Variants in DMXL1 observed in about 807,000 individuals in gnomAD.
DMXL1 encodes the protein dmX-like protein 1.
A neutral mutation model predicts 319.2 loss-of-function variants in DMXL1; 99 were observed. The observed-to-expected ratio is 0.31, with a 90% CI of 0.26 to 0.37. DMXL1 has a LOEUF of 0.37. Ranked by LOEUF, DMXL1 falls within the 10% of genes least tolerant of loss-of-function variation. The probability of loss-of-function intolerance (pLI) is 1.00; values close to 1 mark genes in which losing one functional copy is unlikely to be tolerated. For missense variants in DMXL1, 3,745 were observed against 3,595.6 expected (o/e 1.04, Z -1.06); for synonymous variants, 1,385 against 1,235.2 (o/e 1.12, Z -2.54).
chr5:119,174,249 A>G (rs1483647689), intron 25 of DMXL1, among the ~76,000 whole-genome samples: 9 of 152,102 alleles, frequency 5.9e-5, no homozygotes, highest in Admixed American at 5.9e-4. Context: ...ATTTTTTTCA[A>G]ATGGTAGTTT....
intron 19 of DMXL1, among the ~76,000 whole-genome samples, chr5:119,160,294 T>C (rs1379850845): frequency 6.6e-6 from 1 of 152,210 alleles, no homozygotes; most frequent in East Asian, 1.9e-4. Flanking sequence ...CTTTGACTCA[T>C]TGTTTTTTCA....
At chr5:119,246,790 C>T (rs1411010206) in intron 43 of DMXL1, among the ~76,000 whole-genome samples, 2 of 151,830 alleles carry the variant, frequency 1.3e-5, no homozygotes, top group Non-Finnish European at 2.9e-5. Flanking sequence ...TGTGCCACCT[C>T]GCCGGGCTAG....
intron 25 of DMXL1, among the ~76,000 whole-genome samples, chr5:119,174,395 C>T (rs573208762): frequency 4.8e-4 from 73 of 152,266 alleles, no homozygotes; most frequent in African/African-American, 1.1e-3. Context: ...TGGAGAAGTA[C>T]GTCCAACTCT....
rs768908011 is a variant in DMXL1, at chr5:119,244,540, G to C, written c.8886G>C (p.Glu2962Asp). ...VKAVAVDPTE[E>D]YFVTGSAEGN... Reference sequence around the variant, plus strand: ...CCGTTGCTGTTGATCCAACTGAAGAGTACTTTGTTACAGGATCTGCCGAAG... The same window carrying C: ...CCGTTGCTGTTGATCCAACTGAAGACTACTTTGTTACAGGATCTGCCGAAG... Residue 2962 changes from glutamate (E) to aspartate (D), a missense_variant, in exon 43 of 44, where the codon GAG becomes GAC. Physicochemically the swap from Glu to Asp is conservative, Grantham distance 45. Coordinates refer to ENST00000539542, the MANE Select transcript of DMXL1 (RefSeq NM_001290321.3). The C allele has an allele frequency of 1.9e-6, 3 of 1,614,124 alleles. No homozygotes were observed. In the East Asian group the frequency reaches 6.7e-5, roughly 36 times the overall value.
intron 28 of DMXL1, among the ~76,000 whole-genome samples, chr5:119,186,014 A>G (rs757552646): frequency 6.6e-6 from 1 of 152,206 alleles, no homozygotes; most frequent in Non-Finnish European, 1.5e-5. Flanking sequence ...GTTAACATAT[A>G]CCTCTTAGGA....
intron 30 of DMXL1, 57 bp from the exon 31 acceptor site, chr5:119,196,314 T>C (rs1779613501): frequency 6.0e-6 from 8 of 1,337,514 alleles, no homozygotes. Context: ...AAGGGTAGTA[T>C]ACTCTTCTAA....
intron 28 of DMXL1, among the ~76,000 whole-genome samples, chr5:119,187,869 G>A (rs1778019891): frequency 6.6e-6 from 1 of 152,104 alleles, no homozygotes; most frequent in African/African-American, 2.4e-5. Context: ...CACCATGTTG[G>A]CCAGGCTGGA....
intron 9 of DMXL1, among the ~76,000 whole-genome samples, chr5:119,123,090 T>C (rs1433173209): frequency 1.3e-5 from 2 of 151,966 alleles, no homozygotes; most frequent in African/African-American, 4.8e-5. Context: ...CACTCGTGGT[T>C]AGGAGCTGGA....
chr5:119,240,337 A>T, intron 41 of DMXL1, 82 bp from the exon 42 acceptor site: 2 of 953,636 alleles, frequency 2.1e-6, no homozygotes, highest in South Asian at 1.6e-5. Context: ...AGCAAGGTTT[A>T]AAGGTCACAC....
At position 119,132,148 on chromosome 5, in the gene DMXL1, C is replaced by G. The variant is rs1396401736; in HGVS notation, c.1316-984C>G. On this transcript the variant is annotated intron_variant, in intron 10 of 43. Coordinates refer to ENST00000539542, the MANE Select transcript of DMXL1 (RefSeq NM_001290321.3). ...TGTTTGCGGGCTGTGATAGATTGAA[C>G]CATTCTGGTGATATCCCCAGATCTC... Among the ~76,000 whole-genome samples, 11 of 152,086 alleles carry G rather than the reference C, an allele frequency of 7.2e-5. 1 individual carries two copies. Among genetic ancestry groups the G allele is most frequent in the Admixed American group, 7.2e-4 (11 of 15,268 alleles).
At position 119,177,410 on chromosome 5, in the gene DMXL1, C is replaced by G. The variant is rs1393641053; in HGVS notation, c.6812C>G (p.Pro2271Arg). 6 of 1,608,904 alleles carry G rather than the reference C, an allele frequency of 3.7e-6. No homozygotes were observed. Among genetic ancestry groups the G allele is most frequent in the Non-Finnish European group, 5.1e-6 (6 of 1,176,806 alleles). The change falls in exon 27 of 44, where the codon CCT becomes CGT. Residue 2271 changes from proline to arginine, a missense_variant. This residue lies in a region of DMXL1 where 1,382 missense variants were observed against 1,269.5 expected (regional missense o/e 1.09). Coordinates refer to ENST00000539542, the MANE Select transcript of DMXL1 (RefSeq NM_001290321.3). The part of the protein sequence containing the change: ...TGMVYQTVLL[P>R]HRPSLKTGSL... ...ATGGTATATCAGACAGTACTGCTTC[C>G]TCATCGACCTTCTTTGAAAACAGGA...
chr5:119,167,174 A>T (rs1433781597), intron 22 of DMXL1, among the ~76,000 whole-genome samples: 1 of 152,174 alleles, frequency 6.6e-6, no homozygotes, highest in African/African-American at 2.4e-5. Context: ...ATGAATATTT[A>T]AGATACAACA....
At chr5:119,075,770 G>C (rs1313667364) in intron 1 of DMXL1, among the ~76,000 whole-genome samples, 2 of 150,520 alleles carry the variant, frequency 1.3e-5, no homozygotes, top group Non-Finnish European at 2.9e-5. Flanking sequence ...TCCTTATGTT[G>C]CCCAGGCTGA....
At chr5:119,199,945 G>A (rs1405356133) in intron 32 of DMXL1, among the ~76,000 whole-genome samples, 1 of 151,866 alleles carries the variant, frequency 6.6e-6, no homozygotes, top group Non-Finnish European at 1.5e-5. Flanking sequence ...TTTTTAAATT[G>A]GTTGAAGTTC....
At chr5:119,243,541 A>T (rs1040284002) in intron 42 of DMXL1, among the ~76,000 whole-genome samples, 2 of 152,140 alleles carry the variant, frequency 1.3e-5, no homozygotes, top group Non-Finnish European at 2.9e-5. Context: ...ACTCTTTTTT[A>T]AAGAAAAATA....
At chr5:119,214,696 G>C (rs556254605) in intron 34 of DMXL1, among the ~76,000 whole-genome samples, 2 of 152,192 alleles carry the variant, frequency 1.3e-5, no homozygotes, top group African/African-American at 4.8e-5. Context: ...AATCACCTCA[G>C]TTGATTCTTA....
chr5:119,099,175 G>GTTT (rs796213660), intron 2 of DMXL1, among the ~76,000 whole-genome samples: 126 of 129,144 alleles, frequency 9.8e-4, no homozygotes, highest in African/African-American at 4.0e-3. Context: ...AAATCTTTGG[G>GTTT]TTTTTTTTTT....
intron 33 of DMXL1, among the ~76,000 whole-genome samples, 153 bp downstream of exon 33, chr5:119,203,589 G>C: frequency 6.6e-6 from 1 of 152,034 alleles, no homozygotes. Context: ...ATTTATAAAA[G>C]GGGCAGTATT....
At chr5:119,101,210 T>C (rs1757202797) in intron 2 of DMXL1, among the ~76,000 whole-genome samples, 2 of 152,224 alleles carry the variant, frequency 1.3e-5, no homozygotes, top group South Asian at 4.1e-4. Flanking sequence ...GATATCTATA[T>C]CCTAAGAATT....
Sources: gnomAD v4.1 joint callset for allele counts (sites outside exome capture counted in the v4.1 genomes callset) on GRCh38, gnomAD v4.1.1 for gene constraint, gnomAD v4.1.1 regional missense constraint, MANE v1.5 for transcripts, NCBI Gene and HGNC (gene_info 2026-07-23, HGNC 2026-07-21) for gene names.